UBAP1: variants seen among roughly 807,000 people sequenced by gnomAD.
UBAP1 encodes the protein ubiquitin associated protein 1.
Under a neutral mutation model 39.0 loss-of-function variants are expected in UBAP1, and 5 were observed. The observed-to-expected ratio is 0.13, with a 90% CI of 0.07 to 0.27. The LOEUF (loss-of-function observed/expected upper bound fraction) is 0.27. Among genes scored for constraint, UBAP1 ranks in the 10% least tolerant of loss-of-function variants. The pLI is 1.00. For synonymous variants in UBAP1, 211 were observed against 225.1 expected, an observed-to-expected ratio of 0.94 and a Z score of 0.56; for missense variants, 490 against 608.1, an observed-to-expected ratio of 0.81 and a Z score of 2.04.
At chr9:34,184,082 T>C (rs972564635) in intron 1 of UBAP1, among the ~76,000 whole-genome samples, 2 of 152,014 alleles carry the variant, frequency 1.3e-5, no homozygotes, top group South Asian at 2.1e-4. Flanking sequence ...GAATTTCTTA[T>C]AGGAAAAGTA....
At chr9:34,197,576 T>C (rs1430553254) in intron 1 of UBAP1, among the ~76,000 whole-genome samples, 3 of 152,066 alleles carry the variant, frequency 2.0e-5, no homozygotes, top group East Asian at 3.9e-4. Flanking sequence ...TTGAGACAGA[T>C]TTTTGCTCTG....
intron 2 of UBAP1, chr9:34,224,165 G>A (rs1215147861): frequency 4.0e-5 from 23 of 580,290 alleles, no homozygotes; most frequent in Non-Finnish European, 6.3e-5. Context: ...TCCTTTCATC[G>A]ATTTCTTCTG....
chr9:34,250,805 C>G (rs374862634), intron 6 of UBAP1, 46 bp downstream of exon 6: 13 of 1,507,730 alleles, frequency 8.6e-6, no homozygotes, highest in African/African-American at 4.1e-5. Context: ...AAAGGAGGGA[C>G]CAAGTATCCA....
chr9:34,231,685 C>G (rs1833429958), intron 2 of UBAP1, among the ~76,000 whole-genome samples: 1 of 151,460 alleles, frequency 6.6e-6, no homozygotes, highest in Admixed American at 6.6e-5. Flanking sequence ...CGCTCTGTCA[C>G]CCAGCCTGGA....
chr9:34,212,753 T>A (rs1832088895), intron 1 of UBAP1, among the ~76,000 whole-genome samples: 1 of 152,076 alleles, frequency 6.6e-6, no homozygotes. Flanking sequence ...ACCAGATGGC[T>A]TCACAGCAGA....
At chr9:34,248,616 A>C (rs1280938483) in intron 4 of UBAP1, among the ~76,000 whole-genome samples, 1 of 152,206 alleles carries the variant, frequency 6.6e-6, no homozygotes, top group Admixed American at 6.5e-5. Flanking sequence ...CTCTTGTACC[A>C]TAATGACAGC....
chr9:34,182,910 C>G (rs755771596), intron 1 of UBAP1, among the ~76,000 whole-genome samples: 2 of 151,834 alleles, frequency 1.3e-5, no homozygotes, highest in Non-Finnish European at 2.9e-5. Flanking sequence ...TGGGGTTTCA[C>G]CGTGTTATCC....
intron 1 of UBAP1, among the ~76,000 whole-genome samples, chr9:34,204,382 A>G (rs766524512): frequency 3.0e-4 from 45 of 152,232 alleles, no homozygotes; most frequent in Non-Finnish European, 6.3e-4. Context: ...CTTATAAAAA[A>G]CAAAAAAAGG....
intron 1 of UBAP1, among the ~76,000 whole-genome samples, chr9:34,180,615 ATTT>A (rs1360042467): frequency 6.6e-6 from 1 of 152,108 alleles, no homozygotes; most frequent in Non-Finnish European, 1.5e-5. Flanking sequence ...ATTTTATTAA[ATTT>A]TTGTTTCTAG....
intron 1 of UBAP1, among the ~76,000 whole-genome samples, chr9:34,208,863 G>A (rs1376391973): frequency 6.6e-6 from 1 of 151,172 alleles, no homozygotes; most frequent in Non-Finnish European, 1.5e-5. Flanking sequence ...AGAATTGCTT[G>A]AGCCTGGATG....
intron 1 of UBAP1, among the ~76,000 whole-genome samples, chr9:34,209,090 A>C (rs1831878778): frequency 6.6e-6 from 1 of 151,900 alleles, no homozygotes; most frequent in Non-Finnish European, 1.5e-5. Flanking sequence ...ATATGCCATG[A>C]GACCTGGCTA....
intron 1 of UBAP1, among the ~76,000 whole-genome samples, chr9:34,181,568 G>T (rs964020628): frequency 6.7e-5 from 10 of 150,196 alleles, no homozygotes; most frequent in Non-Finnish European, 1.5e-5. Flanking sequence ...GAGTAGCTGG[G>T]ACTACGGGCT....
intron 1 of UBAP1, among the ~76,000 whole-genome samples, chr9:34,182,441 T>C (rs1297416288): frequency 6.6e-6 from 1 of 151,968 alleles, no homozygotes; most frequent in East Asian, 1.9e-4. Flanking sequence ...CGCCTCGGCC[T>C]CCCAAAGTGC....
chr9:34,198,399 T>C (rs1157462767), intron 1 of UBAP1, among the ~76,000 whole-genome samples: 2 of 152,088 alleles, frequency 1.3e-5, no homozygotes, highest in Non-Finnish European at 2.9e-5. Flanking sequence ...CCGGGCTGCC[T>C]GGTTGGGCAG....
chr9:34,226,736 C>G (rs1036281339), intron 2 of UBAP1, among the ~76,000 whole-genome samples: 23 of 150,976 alleles, frequency 1.5e-4, no homozygotes, highest in African/African-American at 5.1e-4. Context: ...TTCCCTTTTT[C>G]TCTCTTTGTA....
chr9:34,225,712 A>G (rs1163593606), intron 2 of UBAP1, among the ~76,000 whole-genome samples: 1 of 150,480 alleles, frequency 6.6e-6, no homozygotes, highest in Non-Finnish European at 1.5e-5. Context: ...CCCAGGAGGA[A>G]GAGCTTGCAG....
intron 1 of UBAP1, among the ~76,000 whole-genome samples, chr9:34,203,347 C>T (rs1250352021): frequency 6.6e-6 from 1 of 152,136 alleles, no homozygotes; most frequent in Non-Finnish European, 1.5e-5. Context: ...AATATGCTTT[C>T]ATTTCTGGTT....
At chr9:34,195,093 A>C (rs948652510) in intron 1 of UBAP1, among the ~76,000 whole-genome samples, 1 of 148,778 alleles carries the variant, frequency 6.7e-6, no homozygotes, top group South Asian at 2.1e-4. Context: ...TTCTTTTGTC[A>C]TTTGAGAACA....
At chr9:34,223,657 G>A (rs868394092) in intron 2 of UBAP1, among the ~76,000 whole-genome samples, 4 of 152,012 alleles carry the variant, frequency 2.6e-5, no homozygotes, top group African/African-American at 4.8e-5. Flanking sequence ...GGGTTTTACC[G>A]TATTAGCCAG....
Sources: gnomAD v4.1 joint callset for allele counts (sites outside exome capture counted in the v4.1 genomes callset) on GRCh38, gnomAD v4.1.1 for gene constraint, MANE v1.5 for transcripts, NCBI Gene and HGNC (gene_info 2026-07-23, HGNC 2026-07-21) for gene names.